CDC123: variants seen among roughly 807,000 people sequenced by gnomAD.
The protein encoded by CDC123 is translation initiation factor eIF2 assembly protein.
Under a neutral mutation model 54.4 loss-of-function variants are expected in CDC123, and 37 were observed. The ratio of observed to expected loss-of-function variants is 0.68; its 90% confidence interval spans 0.52 to 0.89. The LOEUF (loss-of-function observed/expected upper bound fraction) is 0.89. CDC123 is among the 40% of genes least tolerant of loss of function. The pLI, the probability that CDC123 is intolerant of heterozygous loss-of-function variation, is 0.00. For missense variants in CDC123, 361 were observed against 412.1 expected (o/e 0.88, Z 1.07); for synonymous variants, 144 against 136.8 (o/e 1.05, Z -0.37).
chr10:12,206,728 G>A (rs1835524079), intron 2 of CDC123, among the ~76,000 whole-genome samples: 1 of 152,164 alleles, frequency 6.6e-6, no homozygotes, highest in African/African-American at 2.4e-5. Flanking sequence ...GGAGGCCAAG[G>A]AGGGCGGATC....
intron 2 of CDC123, 127 bp from the exon 3 acceptor site, chr10:12,209,840 A>T: frequency 1.2e-6 from 1 of 820,490 alleles, no homozygotes; most frequent in Non-Finnish European, 2.1e-6. Context: ...CTAGGATTAC[A>T]GGTGTGAGCC....
chr10:12,205,887 C>T (rs868066959), intron 2 of CDC123, among the ~76,000 whole-genome samples: 2 of 152,094 alleles, frequency 1.3e-5, no homozygotes, highest in African/African-American at 4.8e-5. Context: ...CAACCTCTGC[C>T]TACCGGGTTC....
chr10:12,209,897 T>A (rs1835573968), intron 2 of CDC123, 70 bp from the exon 3 acceptor site: 1 of 1,425,130 alleles, frequency 7.0e-7, no homozygotes, highest in Admixed American at 1.7e-5. Flanking sequence ...ATATACTCAG[T>A]ACCCCTGAAA....
chr10:12,246,453 C>T, intron 11 of CDC123, 176 bp downstream of exon 11: 1 of 599,996 alleles, frequency 1.7e-6, no homozygotes, highest in Admixed American at 3.3e-5. Context: ...GGGGGCCCCA[C>T]TTAACTTTAT....
chr10:12,244,395 G>C (rs917725196), intron 10 of CDC123, among the ~76,000 whole-genome samples: 1 of 152,214 alleles, frequency 6.6e-6, no homozygotes, highest in Non-Finnish European at 1.5e-5. Flanking sequence ...CATCCACTTC[G>C]TGTCAATAGG....
At position 12,231,003 on chromosome 10, in the gene CDC123, A is replaced by C; in HGVS notation, c.489+7A>C. Reference sequence around the variant, plus strand: ...TCCATGTATAGAATATGAGGTAAGAAGCTTATTTTCTTTGATAATTGTAGA... The same window carrying C: ...TCCATGTATAGAATATGAGGTAAGACGCTTATTTTCTTTGATAATTGTAGA... On this transcript the variant is annotated splice_region_variant and intron_variant, in intron 7 of 12. Coordinates refer to ENST00000281141, the MANE Select transcript of CDC123 (RefSeq NM_006023.3). The C allele has an allele frequency of 1.3e-6, 2 of 1,599,600 alleles. No homozygotes were observed. The highest frequency in any genetic ancestry group is 2.2e-5 in the South Asian group (2 of 88,906).
chr10:12,244,034 A>G (rs1356490419), intron 10 of CDC123, among the ~76,000 whole-genome samples: 3 of 152,188 alleles, frequency 2.0e-5, no homozygotes, highest in Non-Finnish European at 4.4e-5. Context: ...GGCTTGTATA[A>G]AATGAGGAAC....
intron 7 of CDC123, 111 bp downstream of exon 7, chr10:12,231,107 A>G: frequency 2.2e-6 from 2 of 918,208 alleles, no homozygotes; most frequent in Non-Finnish European, 3.3e-6. Flanking sequence ...TTCTTCGGGA[A>G]CCTAAAGCCA....
At chr10:12,204,292 T>A (rs1194057783) in intron 2 of CDC123, among the ~76,000 whole-genome samples, 1 of 152,086 alleles carries the variant, frequency 6.6e-6, no homozygotes, top group Admixed American at 6.6e-5. Context: ...ACGAGTTCTT[T>A]CCTGACCTTG....
At chr10:12,204,101 A>T (rs1222522119) in intron 2 of CDC123, among the ~76,000 whole-genome samples, 1 of 151,626 alleles carries the variant, frequency 6.6e-6, no homozygotes, top group Admixed American at 6.6e-5. Context: ...TCAAAAAAAA[A>T]AAAAAAAAAG....
chr10:12,250,427 G>A lies in CDC123; in HGVS notation c.*90G>A. The A allele has an allele frequency of 1.0e-6, 1 of 979,596 alleles. No homozygotes were observed. Among genetic ancestry groups the A allele is most frequent in the Non-Finnish European group, 1.7e-6 (1 of 601,934 alleles). 60.7% of individuals were successfully genotyped at this position (979,596 alleles called of 1,614,324 possible). A position where few individuals can be genotyped will look rare whatever the true frequency, so the allele number is the denominator to read the frequency against. On this transcript the variant is annotated 3_prime_UTR_variant, in exon 13 of 13. Coordinates refer to ENST00000281141, the MANE Select transcript of CDC123 (RefSeq NM_006023.3). ...GCAACTTCCTGCCGACCCTGATGCG[G>A]GTGGGCCGAGCAGTGTGGACATCAG...
intron 2 of CDC123, among the ~76,000 whole-genome samples, chr10:12,201,598 G>A (rs1835440503): frequency 6.6e-6 from 1 of 151,814 alleles, no homozygotes; most frequent in Admixed American, 6.5e-5. Flanking sequence ...TATGGGGAGT[G>A]AGAGAAGGGT....
In CDC123 at chr10:12,246,169, CT is replaced by C; in HGVS notation, c.741del (p.Phe247LeufsTer18). ...DSRGKVWLID[F>X]NPFGEVTDSL... ...TACAGGGGAAGGTGTGGCTCATTGACTTTAATCCATTTGGTGAAGTCACAGA... is the reference window on the plus strand; with the variant it reads ...TACAGGGGAAGGTGTGGCTCATTGACTTAATCCATTTGGTGAAGTCACAGA... On this transcript the variant is annotated frameshift_variant, in exon 11 of 13. Transcript: ENST00000281141. LOFTEE classifies it high-confidence loss of function. 6.2e-7 allele frequency: 1 copy of C among 1,614,090 alleles called. No individual in the cohort carries two copies. The highest frequency in any genetic ancestry group is 8.5e-7 in the Non-Finnish European group (1 of 1,179,998).
chr10:12,205,167 G>A (rs1008151031), intron 2 of CDC123, among the ~76,000 whole-genome samples: 2 of 152,154 alleles, frequency 1.3e-5, no homozygotes, highest in South Asian at 2.1e-4. Flanking sequence ...AAGTGAAAAC[G>A]TGGTGTTTGT....
intron 4 of CDC123, among the ~76,000 whole-genome samples, chr10:12,212,819 G>A (rs902198971): frequency 6.6e-6 from 1 of 152,174 alleles, no homozygotes; most frequent in Non-Finnish European, 1.5e-5. Flanking sequence ...TGACTTTTGT[G>A]TTTAGATTTG....
At chr10:12,208,579 C>T (rs1282613523) in intron 2 of CDC123, among the ~76,000 whole-genome samples, 1 of 152,146 alleles carries the variant, frequency 6.6e-6, no homozygotes, top group Non-Finnish European at 1.5e-5. Flanking sequence ...TAAGATGGTA[C>T]TTGTGCTGTG....
chr10:12,199,906 T>C (rs899594704), intron 2 of CDC123, among the ~76,000 whole-genome samples: 3 of 151,860 alleles, frequency 2.0e-5, no homozygotes, highest in Non-Finnish European at 2.9e-5. Flanking sequence ...CACTTCAAGG[T>C]CTGCCTCCCG....
At chr10:12,209,260 G>A (rs914384499) in intron 2 of CDC123, among the ~76,000 whole-genome samples, 1 of 151,688 alleles carries the variant, frequency 6.6e-6, no homozygotes, top group Non-Finnish European at 1.5e-5. Flanking sequence ...TTTTTGAGAC[G>A]GGGTCTCACT....
chr10:12,211,092 G>A (rs1835592908), intron 4 of CDC123, among the ~76,000 whole-genome samples: 1 of 152,188 alleles, frequency 6.6e-6, no homozygotes, highest in Admixed American at 6.5e-5. Flanking sequence ...ACATAAAAAT[G>A]TAGAAGTTAT....
Sources: allele counts gnomAD v4.1 joint callset (sites outside exome capture counted in the v4.1 genomes callset), GRCh38; gene constraint gnomAD v4.1.1; transcripts MANE v1.5; gene names NCBI Gene and HGNC (gene_info 2026-07-23, HGNC 2026-07-21).